GABRG3: variants seen among roughly 807,000 people sequenced by gnomAD.
The protein encoded by GABRG3 is gamma-aminobutyric acid type A receptor subunit gamma3.
A neutral mutation model predicts 48.8 loss-of-function variants in GABRG3; 25 were observed. The ratio of observed to expected loss-of-function variants is 0.51; its 90% CI spans 0.37 to 0.72. GABRG3 has a LOEUF of 0.72. Among genes scored for constraint, GABRG3 ranks in the 30% least tolerant of loss-of-function variants. GABRG3 has a pLI of 0.00. For synonymous variants in GABRG3, 227 were observed against 217.6 expected (o/e 1.04, Z -0.38); for missense variants, 394 against 577.9 (o/e 0.68, Z 3.26).
At chr15:27,263,125 G>C (rs1020222847) in intron 3 of GABRG3, among the ~76,000 whole-genome samples, 1 of 152,202 alleles carries the variant, frequency 6.6e-6, no homozygotes, top group Admixed American at 6.5e-5. Context: ...TGCCGCATCA[G>C]CAGTCATGAC....
At chr15:27,069,806 G>T (rs1896797282) in intron 3 of GABRG3, among the ~76,000 whole-genome samples, 1 of 152,202 alleles carries the variant, frequency 6.6e-6, no homozygotes, top group African/African-American at 2.4e-5. Flanking sequence ...TACCCATGTT[G>T]AAACACATGC....
chr15:26,981,917 TG>T (rs1212859218), intron 2 of GABRG3, among the ~76,000 whole-genome samples: 1 of 152,156 alleles, frequency 6.6e-6, no homozygotes, highest in Admixed American at 6.5e-5. Context: ...AATCCATGTG[TG>T]TAGTGTGGGA....
At chr15:27,472,963 G>A (rs549987570) in intron 5 of GABRG3, among the ~76,000 whole-genome samples, 6 of 152,086 alleles carry the variant, frequency 3.9e-5, no homozygotes, top group South Asian at 4.2e-4. Flanking sequence ...TCATTCCTGC[G>A]TAAATCCTAT....
At chr15:27,214,421 T>C (rs1889174704) in intron 3 of GABRG3, among the ~76,000 whole-genome samples, 1 of 152,190 alleles carries the variant, frequency 6.6e-6, no homozygotes, top group Non-Finnish European at 1.5e-5. Flanking sequence ...AAAGGCAAGG[T>C]TTACGGTTAA....
chr15:27,491,449 T>TC (rs1434632132), intron 6 of GABRG3, among the ~76,000 whole-genome samples: 1 of 152,232 alleles, frequency 6.6e-6, no homozygotes, highest in East Asian at 1.9e-4. Flanking sequence ...TTTCTTCCTG[T>TC]CCGTAGGGGG....
intron 5 of GABRG3, among the ~76,000 whole-genome samples, chr15:27,418,151 A>G (rs944523918): frequency 6.6e-5 from 10 of 152,170 alleles, no homozygotes; most frequent in Admixed American, 3.3e-4. Context: ...TCAGATGAAT[A>G]TGAAGGAAGG....
intron 6 of GABRG3, among the ~76,000 whole-genome samples, chr15:27,487,166 A>G (rs1477710629): frequency 6.6e-6 from 1 of 152,192 alleles, no homozygotes. Context: ...TCAGACGGGA[A>G]ATGCAGAAAA....
chr15:27,333,629 A>G (rs2058530188), intron 5 of GABRG3, among the ~76,000 whole-genome samples: 1 of 152,178 alleles, frequency 6.6e-6, no homozygotes, highest in South Asian at 2.1e-4. Flanking sequence ...GCGTAAAGTG[A>G]CACAGTAGCA....
rs186835051 is a variant in GABRG3 at position 27,224,428 on chromosome 15, C to T, written c.271-102381C>T. Among the ~76,000 whole-genome samples, 249 of 152,296 alleles carry T rather than the reference C, an allele frequency of 1.6e-3. 3 individuals are homozygous for T. The highest frequency in any genetic ancestry group is 8.3e-4 in the South Asian group (4 of 4,810). The stretch of plus-strand genomic sequence containing the variant: ...ATAATGTCTAATGCTACCTGACCCT[C>T]ACAGCTACCCAGGAAGCAGGTCCTC... On this transcript the variant is annotated intron_variant, in intron 3 of 9. Transcript: ENST00000615808.
intron 3 of GABRG3, among the ~76,000 whole-genome samples, chr15:27,209,280 G>A (rs1225582753): frequency 2.0e-5 from 3 of 152,224 alleles, no homozygotes; most frequent in African/African-American, 7.2e-5. Flanking sequence ...GCAGATGATG[G>A]CCCCTTTCTG....
At chr15:27,350,971 T>G (rs1292115720) in intron 5 of GABRG3, among the ~76,000 whole-genome samples, 4 of 148,768 alleles carry the variant, frequency 2.7e-5, no homozygotes, top group Non-Finnish European at 6.0e-5. Context: ...TGGTGTGTGT[T>G]TGTGTGTGTA....
chr15:27,381,642 T>C (rs1290084644), intron 5 of GABRG3, among the ~76,000 whole-genome samples: 1 of 152,256 alleles, frequency 6.6e-6, no homozygotes, highest in Non-Finnish European at 1.5e-5. Context: ...CCTTGTGACC[T>C]GAATTCTTTG....
chr15:27,279,968 A>C (rs118055648), intron 3 of GABRG3, among the ~76,000 whole-genome samples: 1 of 152,076 alleles, frequency 6.6e-6, no homozygotes, highest in Admixed American at 6.5e-5. Flanking sequence ...ATAGATTTTG[A>C]CATTTTTAAA....
intron 3 of GABRG3, among the ~76,000 whole-genome samples, chr15:27,249,162 G>A (rs974136560): frequency 6.6e-6 from 1 of 152,214 alleles, no homozygotes; most frequent in Non-Finnish European, 1.5e-5. Flanking sequence ...GAGGTGGTGA[G>A]CGATGCTGGA....
intron 2 of GABRG3, among the ~76,000 whole-genome samples, chr15:27,007,260 T>C (rs1222355774): frequency 6.6e-6 from 1 of 151,924 alleles, no homozygotes; most frequent in East Asian, 1.9e-4. Flanking sequence ...TTCATATTTT[T>C]AGTAGGGAAG....
At chr15:27,452,544 A>G (rs141911940) in intron 5 of GABRG3, among the ~76,000 whole-genome samples, 1 of 152,234 alleles carries the variant, frequency 6.6e-6, no homozygotes, top group Non-Finnish European at 1.5e-5. Flanking sequence ...CATTTGTTAT[A>G]TGCATTATAT....
At chr15:27,017,510 G>C (rs540030974) in intron 2 of GABRG3, among the ~76,000 whole-genome samples, 4 of 152,138 alleles carry the variant, frequency 2.6e-5, no homozygotes, top group Non-Finnish European at 5.9e-5. Flanking sequence ...CTGCCACTCT[G>C]TTCCTCTAAG....
chr15:27,400,996 G>T (rs190645907), intron 5 of GABRG3, among the ~76,000 whole-genome samples: 1 of 152,288 alleles, frequency 6.6e-6, no homozygotes, highest in Non-Finnish European at 1.5e-5. Context: ...GAACCTAGAT[G>T]TAAAGAAAAT....
chr15:27,314,206 A>G (rs191016118), intron 3 of GABRG3, among the ~76,000 whole-genome samples: 4 of 152,332 alleles, frequency 2.6e-5, no homozygotes, highest in Admixed American at 2.0e-4. Context: ...AAGTCCTACA[A>G]TTTGACACAT....
Sources: gnomAD v4.1 joint callset for allele counts (sites outside exome capture counted in the v4.1 genomes callset) on GRCh38, gnomAD v4.1.1 for gene constraint, MANE v1.5 for transcripts, NCBI Gene and HGNC (gene_info 2026-07-23, HGNC 2026-07-21) for gene names.